The following ANKS1B variants were observed in gnomAD, a reference collection of about 807,000 sequenced individuals.
ANKS1B encodes the protein ankyrin repeat and sterile alpha motif domain-containing protein 1B.
A neutral mutation model predicts 148.3 loss-of-function variants in ANKS1B; 36 were observed. The observed-to-expected ratio is 0.24, with a 90% CI of 0.19 to 0.32. The LOEUF is 0.32. Ranked by LOEUF, ANKS1B falls within the 10% of genes least tolerant of loss-of-function variation. ANKS1B has a pLI of 1.00. For synonymous variants in ANKS1B, 542 were observed against 560.8 expected, an observed-to-expected ratio of 0.97 and a Z score of 0.47; for missense variants, 1,157 against 1,542.6, an observed-to-expected ratio of 0.75 and a Z score of 4.19.
intron 17 of ANKS1B, among the ~76,000 whole-genome samples, chr12:98,959,321 C>T (rs2099867426): frequency 6.6e-6 from 1 of 152,148 alleles, no homozygotes; most frequent in Admixed American, 6.5e-5. Flanking sequence ...AGGTGAGCCA[C>T]AGACTTCTTC....
At chr12:99,716,030 C>T (rs12824828) in intron 8 of ANKS1B, among the ~76,000 whole-genome samples, 100,992 of 151,890 alleles carry the variant, frequency 0.66, 33,654 homozygotes, top group Non-Finnish European at 0.69. Flanking sequence ...ATGCCTGCCT[C>T]GGTCCTTCAC....
chr12:99,451,865 A>T (rs888600426), intron 10 of ANKS1B, among the ~76,000 whole-genome samples: 2 of 152,040 alleles, frequency 1.3e-5, no homozygotes, highest in African/African-American at 4.8e-5. Flanking sequence ...AAAATTATCT[A>T]TTACTATTAT....
intron 8 of ANKS1B, among the ~76,000 whole-genome samples, chr12:99,673,627 A>G (rs1250985413): frequency 2.0e-5 from 3 of 151,984 alleles, no homozygotes; most frequent in Non-Finnish European, 4.4e-5. Flanking sequence ...TAAAAGCAAG[A>G]CAGATAATGC....
downstream of ANKS1B, among the ~76,000 whole-genome samples, chr12:98,738,992 C>A (rs2153350636): frequency 6.6e-6 from 1 of 152,300 alleles, no homozygotes; most frequent in South Asian, 2.1e-4. Flanking sequence ...ATGTGCCAAG[C>A]CCACAGGCTG....
chr12:99,130,425 C>T (rs1172847486), intron 15 of ANKS1B, among the ~76,000 whole-genome samples: 1 of 152,090 alleles, frequency 6.6e-6, no homozygotes, highest in Non-Finnish European at 1.5e-5. Context: ...CTGAATTCAT[C>T]CTTATAAGCC....
rs117966701 is a variant in ANKS1B at position 99,290,583 on chromosome 12, T to A, written c.1757-43719A>T. Among the ~76,000 whole-genome samples the A allele has an allele frequency of 8.1e-4, 123 of 152,172 alleles. 4 individuals are homozygous for A. The South Asian group carries it at 0.021, about 25-fold the overall frequency. On this transcript the variant is annotated intron_variant, in intron 12 of 26. Transcript: ENST00000683438. Reference sequence around the variant, plus strand: ...AAAAAGGTCATTAATCATGACCAGGTTGGATTTATCCCTGGAATGCAAGGA... The same window carrying A: ...AAAAAGGTCATTAATCATGACCAGGATGGATTTATCCCTGGAATGCAAGGA...
At chr12:98,983,021 T>C (rs1400146079) in intron 17 of ANKS1B, among the ~76,000 whole-genome samples, 2 of 152,258 alleles carry the variant, frequency 1.3e-5, no homozygotes, top group African/African-American at 4.8e-5. Flanking sequence ...GTTCTGGTTG[T>C]TCCTCATCTG....
chr12:99,575,443 C>T (rs1433057180), intron 9 of ANKS1B, among the ~76,000 whole-genome samples: 1 of 151,966 alleles, frequency 6.6e-6, no homozygotes, highest in Non-Finnish European at 1.5e-5. Context: ...TTTCACACTG[C>T]TAATAAAGAC....
At chr12:99,779,737 G>T (rs1177053287) in intron 6 of ANKS1B, 134 bp downstream of exon 6, 2 of 642,358 alleles carry the variant, frequency 3.1e-6, no homozygotes, top group African/African-American at 3.7e-5. Context: ...TAGTTTAAAA[G>T]TCTACCAGAA....
intron 16 of ANKS1B, among the ~76,000 whole-genome samples, chr12:99,059,286 C>T (rs1382705440): frequency 1.3e-5 from 2 of 152,140 alleles, no homozygotes; most frequent in East Asian, 1.9e-4. Context: ...GTCCCTAAAT[C>T]GTCCAGCAGA....
At chr12:99,572,912 A>G (rs1000255688) in intron 9 of ANKS1B, among the ~76,000 whole-genome samples, 1 of 152,196 alleles carries the variant, frequency 6.6e-6, no homozygotes, top group Non-Finnish European at 1.5e-5. Flanking sequence ...TTCTTACGGT[A>G]TATTTTGAAT....
intron 17 of ANKS1B, among the ~76,000 whole-genome samples, chr12:98,854,561 A>C (rs959375447): frequency 6.6e-6 from 1 of 152,266 alleles, no homozygotes; most frequent in African/African-American, 2.4e-5. Flanking sequence ...GTTAGATTTT[A>C]ACACTTGCAC....
intron 17 of ANKS1B, among the ~76,000 whole-genome samples, chr12:98,836,149 C>T (rs1228640037): frequency 6.6e-6 from 1 of 152,132 alleles, no homozygotes; most frequent in Admixed American, 6.5e-5. Flanking sequence ...ACCTCTATAC[C>T]TTTTGACCTT....
chr12:99,983,286 T>C (rs2095734322), intron 1 of ANKS1B, among the ~76,000 whole-genome samples: 1 of 152,166 alleles, frequency 6.6e-6, no homozygotes, highest in Admixed American at 6.5e-5. Flanking sequence ...CTTTTAATAG[T>C]TTCTCAAGTA....
intron 15 of ANKS1B, among the ~76,000 whole-genome samples, chr12:99,110,935 C>T (rs1053467605): frequency 6.6e-6 from 1 of 152,164 alleles, no homozygotes; most frequent in Non-Finnish European, 1.5e-5. Context: ...GCCTTTTCTG[C>T]TCTCCATTCT....
At chr12:99,558,353 A>C (rs1385695915) in intron 9 of ANKS1B, among the ~76,000 whole-genome samples, 2 of 152,180 alleles carry the variant, frequency 1.3e-5, no homozygotes, top group African/African-American at 4.8e-5. Flanking sequence ...TAGTGTGCTC[A>C]CACTGGCAGC....
At chr12:99,211,781 A>G (rs1031938009) in intron 14 of ANKS1B, among the ~76,000 whole-genome samples, 1 of 152,214 alleles carries the variant, frequency 6.6e-6, no homozygotes, top group Non-Finnish European at 1.5e-5. Context: ...GTATTGAGCT[A>G]GAATTATAGC....
At chr12:98,809,055 G>C (rs1390467707) in intron 19 of ANKS1B, among the ~76,000 whole-genome samples, 1 of 152,114 alleles carries the variant, frequency 6.6e-6, no homozygotes, top group Non-Finnish European at 1.5e-5. Flanking sequence ...TCTCTCTCTA[G>C]TTACAACTGC....
At chr12:98,898,054 A>C (rs1256192774) in intron 17 of ANKS1B, among the ~76,000 whole-genome samples, 2 of 152,194 alleles carry the variant, frequency 1.3e-5, no homozygotes, top group Non-Finnish European at 2.9e-5. Context: ...GGGAACTCCA[A>C]AAGCAGGGAG....
Sources: allele counts gnomAD v4.1 joint callset (sites outside exome capture counted in the v4.1 genomes callset), GRCh38; gene constraint gnomAD v4.1.1; transcripts MANE v1.5; gene names NCBI Gene and HGNC (gene_info 2026-07-23, HGNC 2026-07-21).